TXNDC16: variants seen among roughly 807,000 people sequenced by gnomAD.
TXNDC16 encodes thioredoxin domain containing 16, also known as thioredoxin domain-containing protein 16.
A neutral mutation model predicts 85.6 loss-of-function variants in TXNDC16; 74 were observed. The observed-to-expected ratio is 0.86, with a 90% CI of 0.72 to 1.05. The LOEUF is 1.05. TXNDC16 is among the 50% of genes least tolerant of loss of function. The probability of loss-of-function intolerance (pLI) is 0.00; values close to 1 mark genes in which losing one functional copy is unlikely to be tolerated. For synonymous variants in TXNDC16, 335 were observed against 326.5 expected (o/e 1.03, Z -0.28); for missense variants, 959 against 947.0 (o/e 1.01, Z -0.17).
intron 14 of TXNDC16, among the ~76,000 whole-genome samples, chr14:52,481,281 C>T (rs1434696732): frequency 2.0e-5 from 3 of 151,946 alleles, no homozygotes; most frequent in East Asian, 1.9e-4. Context: ...ACCAATATCT[C>T]ACAAATCACC....
chr14:52,551,475 G>GAAA (rs11380216), intron 1 of TXNDC16, among the ~76,000 whole-genome samples: 133 of 132,318 alleles, frequency 1.0e-3, no homozygotes, highest in African/African-American at 3.5e-3. Flanking sequence ...TGAAAAAAAG[G>GAAA]AAAAAAAAAA....
At chr14:52,513,982 T>A (rs2037018853) in intron 8 of TXNDC16, among the ~76,000 whole-genome samples, 1 of 152,142 alleles carries the variant, frequency 6.6e-6, no homozygotes. Context: ...TGCATCCATT[T>A]TATTTAACTC....
At chr14:52,491,306 C>T (rs911796170) in intron 9 of TXNDC16, among the ~76,000 whole-genome samples, 4 of 150,954 alleles carry the variant, frequency 2.6e-5, no homozygotes, top group African/African-American at 4.9e-5. Flanking sequence ...CTCAGCCTCC[C>T]GAGTAGCTGA....
intron 20 of TXNDC16, among the ~76,000 whole-genome samples, chr14:52,435,252 GCT>G (rs1491194439): frequency 1.7e-5 from 2 of 114,404 alleles, no homozygotes; most frequent in Non-Finnish European, 1.8e-5. Context: ...GAACATGTCT[GCT>G]TTTTTTTTTT....
intron 16 of TXNDC16, among the ~76,000 whole-genome samples, chr14:52,464,660 G>A (rs904628079): frequency 5.9e-5 from 9 of 151,948 alleles, no homozygotes; most frequent in Non-Finnish European, 8.8e-5. Context: ...GGCCAGGTGC[G>A]GTGGCTCACG....
intron 16 of TXNDC16, among the ~76,000 whole-genome samples, chr14:52,460,192 C>T (rs2035621201): frequency 1.3e-5 from 2 of 152,006 alleles, no homozygotes; most frequent in South Asian, 2.1e-4. Context: ...CTGGGTAACA[C>T]GGCTAAACCC....
intron 10 of TXNDC16, 84 bp downstream of exon 10, chr14:52,490,755 A>G: frequency 2.1e-6 from 3 of 1,440,104 alleles, no homozygotes; most frequent in Non-Finnish European, 2.9e-6. Flanking sequence ...GAGTTTACTT[A>G]TAAGTGATTA....
At chr14:52,470,253 G>T in intron 15 of TXNDC16, 80 bp from the exon 16 acceptor site, 2 of 1,097,436 alleles carry the variant, frequency 1.8e-6, no homozygotes, top group Non-Finnish European at 1.3e-6. Context: ...ACTAAACATA[G>T]CAAACAATAT....
chr14:52,503,692 C>T (rs1011277972), intron 9 of TXNDC16, among the ~76,000 whole-genome samples: 8 of 152,208 alleles, frequency 5.3e-5, no homozygotes. Context: ...AGGAACGCAG[C>T]TCCTCACCAG....
chr14:52,495,934 C>A (rs542741873), intron 9 of TXNDC16, among the ~76,000 whole-genome samples: 33 of 151,780 alleles, frequency 2.2e-4, no homozygotes, highest in Non-Finnish European at 3.5e-4. Flanking sequence ...CTGAGGCAGG[C>A]GGATCACGAG....
chr14:52,501,457 A>G lies in TXNDC16; in HGVS notation c.756+9783T>C, dbSNP rs1301370509. On this transcript the variant is annotated intron_variant, in intron 9 of 20. Transcript: ENST00000281741. ...ACATACCAAATTATTTCAGATCCTG[A>G]ACCCAGAAACCCAGGCTAATTTGCA... Among the ~76,000 whole-genome samples the G allele has an allele frequency of 2.0e-5, 3 of 152,348 alleles. No individual in the cohort carries two copies. In the East Asian group the frequency reaches 5.8e-4, roughly 29 times the overall value.
At chr14:52,487,355 A>G (rs528941719) in intron 12 of TXNDC16, among the ~76,000 whole-genome samples, 1 of 152,310 alleles carries the variant, frequency 6.6e-6, no homozygotes, top group South Asian at 2.1e-4. Context: ...TTTGATCACA[A>G]TGCATGGACC....
intron 9 of TXNDC16, among the ~76,000 whole-genome samples, chr14:52,508,616 C>T (rs1281598500): frequency 6.6e-6 from 1 of 152,138 alleles, no homozygotes. Context: ...CACATGCACA[C>T]GTATGTTTAC....
At chr14:52,513,830 A>G (rs2037014562) in intron 8 of TXNDC16, among the ~76,000 whole-genome samples, 1 of 152,104 alleles carries the variant, frequency 6.6e-6, no homozygotes, top group South Asian at 2.1e-4. Context: ...TAAAAAATAT[A>G]GAGGCTGGTA....
Position 52,470,036 on chromosome 14 carries a change from C to T in TXNDC16, c.1618+1G>A, listed in dbSNP as rs2035867997. Reference sequence around the variant, plus strand: ...TAATTTAAAAGCTCAGCTCTGCTTACCTGTTTTCATGGTTGGACTAAATAG... The same window carrying T: ...TAATTTAAAAGCTCAGCTCTGCTTATCTGTTTTCATGGTTGGACTAAATAG... On this transcript the variant is annotated splice_donor_variant, in intron 16 of 20. Transcript: ENST00000281741. LOFTEE classifies it high-confidence loss of function. 7 of 1,604,594 alleles carry T rather than the reference C, an allele frequency of 4.4e-6. No individual in the cohort carries two copies. In the East Asian group the frequency reaches 1.6e-4, roughly 36 times the overall value.
chr14:52,455,393 G>A lies in TXNDC16; in HGVS notation c.1773C>T (p.Ser591=), dbSNP rs777860361. 1 of 1,614,002 alleles carries A rather than the reference G, an allele frequency of 6.2e-7. No homozygotes were observed. ...LARHTEGKIE[S]IPLASTHAQD... ...GTGCATGTGTGCTAGCTAGTGGGAT[G>A]CTCTCTATTTTGCCTTCTGTGTGTC... is the stretch of plus-strand genomic sequence containing the variant. The change falls in exon 18 of 21, where the codon AGC becomes AGT. Residue 591 remains serine (S), a synonymous_variant. Coordinates refer to ENST00000281741, the MANE Select transcript of TXNDC16 (RefSeq NM_020784.3).
At chr14:52,432,657 T>C in intron 20 of TXNDC16, 70 bp from the exon 21 acceptor site, 1 of 1,317,156 alleles carries the variant, frequency 7.6e-7, no homozygotes, top group Non-Finnish European at 1.0e-6. Flanking sequence ...TATTAGAAAA[T>C]GTTTTATTTT....
chr14:52,449,329 C>T (rs1436350542), intron 18 of TXNDC16, among the ~76,000 whole-genome samples: 1 of 151,928 alleles, frequency 6.6e-6, no homozygotes, highest in African/African-American at 2.4e-5. Flanking sequence ...GATTTCAAGA[C>T]AAAAACTGTA....
chr14:52,503,829 A>C (rs2036722001), intron 9 of TXNDC16, among the ~76,000 whole-genome samples: 1 of 152,242 alleles, frequency 6.6e-6, no homozygotes, highest in Non-Finnish European at 1.5e-5. Context: ...AACCTTGAAA[A>C]AAGATTAGAC....
Sources: allele counts gnomAD v4.1 joint callset (sites outside exome capture counted in the v4.1 genomes callset), GRCh38; gene constraint gnomAD v4.1.1; transcripts MANE v1.5; gene names NCBI Gene and HGNC (gene_info 2026-07-23, HGNC 2026-07-21).